Variants in KATNIP observed in about 807,000 individuals in gnomAD.
KATNIP encodes katanin-interacting protein.
KATNIP carries 126 observed loss-of-function variants against 174.0 expected under a neutral mutation model. The observed-to-expected ratio is 0.72, with a 90% CI of 0.63 to 0.84. The LOEUF (loss-of-function observed/expected upper bound fraction) is 0.84. Among genes scored for constraint, KATNIP ranks in the 40% least tolerant of loss-of-function variants. The pLI is 0.00. For synonymous variants in KATNIP, 810 were observed against 835.7 expected, an observed-to-expected ratio of 0.97 and a Z score of 0.53; for missense variants, 1,958 against 2,109.7, an observed-to-expected ratio of 0.93 and a Z score of 1.41.
intron 3 of KATNIP, among the ~76,000 whole-genome samples, chr16:27,621,644 G>A (rs983416481): frequency 1.3e-5 from 2 of 151,858 alleles, no homozygotes; most frequent in Admixed American, 6.6e-5. Flanking sequence ...GGTTTCATTG[G>A]CTCACGATTC....
chr16:27,604,461 C>T (rs2075637751), intron 2 of KATNIP, among the ~76,000 whole-genome samples: 2 of 152,314 alleles, frequency 1.3e-5, no homozygotes, highest in South Asian at 4.1e-4. Flanking sequence ...TCTTGAGCTC[C>T]TGGGCACAAG....
At chr16:27,706,698 T>C (rs2079321396) in intron 12 of KATNIP, among the ~76,000 whole-genome samples, 1 of 152,186 alleles carries the variant, frequency 6.6e-6, no homozygotes, top group African/African-American at 2.4e-5. Flanking sequence ...ACATTTCAGA[T>C]TGCACTGGGT....
chr16:27,772,485 C>T (rs1331090251), intron 22 of KATNIP, among the ~76,000 whole-genome samples: 3 of 152,190 alleles, frequency 2.0e-5, no homozygotes, highest in East Asian at 1.9e-4. Flanking sequence ...CCTGGGAGTG[C>T]GGGGAGTGAG....
At chr16:27,772,847 A>G (rs969173603) in intron 22 of KATNIP, among the ~76,000 whole-genome samples, 2 of 152,146 alleles carry the variant, frequency 1.3e-5, no homozygotes, top group Non-Finnish European at 2.9e-5. Context: ...GGGCACACGC[A>G]CACGTGCACA....
chr16:27,582,641 A>G (rs2090742400), intron 2 of KATNIP, among the ~76,000 whole-genome samples: 1 of 152,190 alleles, frequency 6.6e-6, no homozygotes, highest in Admixed American at 6.5e-5. Flanking sequence ...GGAACCAAAC[A>G]GCGTGGATTC....
intron 5 of KATNIP, among the ~76,000 whole-genome samples, chr16:27,635,545 TTAACAGACATG>T (rs1183144036): frequency 6.6e-6 from 1 of 152,034 alleles, no homozygotes; most frequent in Non-Finnish European, 1.5e-5. Context: ...ATCTGTTAAT[TTAACAGACATG>T]TATTGATACC....
intron 9 of KATNIP, 153 bp from the exon 10 acceptor site, chr16:27,699,381 C>T: frequency 1.1e-6 from 1 of 909,096 alleles, no homozygotes; most frequent in Non-Finnish European, 1.3e-6. Flanking sequence ...CAACTATTGT[C>T]TGTGTTCCCA....
chr16:27,628,520 A>C, intron 3 of KATNIP, 141 bp from the exon 4 acceptor site: 4 of 874,426 alleles, frequency 4.6e-6, no homozygotes, highest in South Asian at 3.3e-5. Context: ...GGCTGTTTGT[A>C]GACAAACAGC....
chr16:27,627,415 A>T (rs2076366396), intron 3 of KATNIP, among the ~76,000 whole-genome samples: 1 of 152,238 alleles, frequency 6.6e-6, no homozygotes, highest in South Asian at 2.1e-4. Flanking sequence ...GGCATGAGTG[A>T]TAGTGCTTTT....
At chr16:27,618,361 C>G (rs2076100049) in intron 2 of KATNIP, 64 bp from the exon 3 acceptor site, 1 of 1,287,960 alleles carries the variant, frequency 7.8e-7, no homozygotes, top group Non-Finnish European at 1.1e-6. Flanking sequence ...GTGTGCTGCA[C>G]CTGCACTCTC....
intron 15 of KATNIP, among the ~76,000 whole-genome samples, chr16:27,747,059 C>T (rs2081320415): frequency 6.6e-6 from 1 of 152,204 alleles, no homozygotes; most frequent in African/African-American, 2.4e-5. Context: ...TAAGCAGGGC[C>T]TGCCTGGGAA....
intron 24 of KATNIP, 81 bp downstream of exon 24, chr16:27,775,165 G>C: frequency 2.0e-6 from 3 of 1,497,642 alleles, no homozygotes; most frequent in East Asian, 2.3e-5. Context: ...TCAGTGACAC[G>C]TCTTTCTTCC....
At chr16:27,741,281 G>T (rs1018393896) in intron 15 of KATNIP, among the ~76,000 whole-genome samples, 1 of 152,052 alleles carries the variant, frequency 6.6e-6, no homozygotes, top group Non-Finnish European at 1.5e-5. Flanking sequence ...TAACTGTACT[G>T]TTAGAAAAAT....
intron 2 of KATNIP, among the ~76,000 whole-genome samples, chr16:27,587,090 A>G (rs1262492374): frequency 6.6e-6 from 1 of 152,092 alleles, no homozygotes; most frequent in Non-Finnish European, 1.5e-5. Context: ...TGGCTCTACT[A>G]CTAGCTGTGT....
intron 15 of KATNIP, among the ~76,000 whole-genome samples, chr16:27,746,227 C>T (rs2081291212): frequency 6.6e-6 from 1 of 152,180 alleles, no homozygotes; most frequent in South Asian, 2.1e-4. Context: ...CTGCCTCGCA[C>T]ACTCAGGCAG....
intron 20 of KATNIP, among the ~76,000 whole-genome samples, chr16:27,769,510 A>G (rs952679925): frequency 6.6e-6 from 1 of 152,248 alleles, no homozygotes; most frequent in Admixed American, 6.5e-5. Flanking sequence ...TAACATACAC[A>G]GCTACTAGTG....
chr16:27,642,775 T>TAAA (rs1283855263), intron 5 of KATNIP, among the ~76,000 whole-genome samples: 1 of 150,512 alleles, frequency 6.6e-6, no homozygotes, highest in African/African-American at 2.4e-5. Flanking sequence ...AAAAATTTTT[T>TAAA]TTTTTTTTTT....
chr16:27,609,248 A>C (rs1192905309), intron 2 of KATNIP, among the ~76,000 whole-genome samples: 1 of 152,154 alleles, frequency 6.6e-6, no homozygotes, highest in Non-Finnish European at 1.5e-5. Flanking sequence ...TGTAATAAGT[A>C]AAATAAATTA....
chr16:27,731,607 GTCTT>G (rs1257934512), intron 14 of KATNIP, among the ~76,000 whole-genome samples: 1 of 151,674 alleles, frequency 6.6e-6, no homozygotes, highest in Non-Finnish European at 1.5e-5. Flanking sequence ...TCACGGCCCT[GTCTT>G]TCTTTTTCTT....
Sources: gnomAD v4.1 joint callset for allele counts (sites outside exome capture counted in the v4.1 genomes callset) on GRCh38, gnomAD v4.1.1 for gene constraint, MANE v1.5 for transcripts, NCBI Gene and HGNC (gene_info 2026-07-23, HGNC 2026-07-21) for gene names.